Variants in SYMPK observed in about 807,000 individuals in gnomAD.
SYMPK encodes the protein symplekin scaffold protein, also known as symplekin.
Under a neutral mutation model 136.4 loss-of-function variants are expected in SYMPK, and 49 were observed. The observed-to-expected ratio is 0.36, with a 90% CI of 0.29 to 0.46. The LOEUF (loss-of-function observed/expected upper bound fraction) is 0.46. Among genes scored for constraint, SYMPK ranks in the 20% least tolerant of loss-of-function variants. The pLI is 1.00. For synonymous variants in SYMPK, 766 were observed against 713.0 expected (o/e 1.07, Z -1.19); for missense variants, 1,365 against 1,690.0 (o/e 0.81, Z 3.37).
intron 7 of SYMPK, among the ~76,000 whole-genome samples, chr19:45,846,857 A>T (rs1214312727): frequency 6.6e-5 from 10 of 150,968 alleles, no homozygotes; most frequent in Non-Finnish European, 1.0e-4. Context: ...GCAGTGGCAC[A>T]GTCTCAGCTC....
Position 45,822,854 on chromosome 19 carries a change from G to A in SYMPK, c.2701-8C>T, listed in dbSNP as rs959221314. 1.9e-6 allele frequency: 3 copies of A among 1,607,522 alleles called. No individual in the cohort carries two copies. Among genetic ancestry groups the A allele is most frequent in the Non-Finnish European group, 1.7e-6 (2 of 1,174,252 alleles). On this transcript the variant is annotated splice_polypyrimidine_tract_variant and splice_region_variant and intron_variant, in intron 20 of 26. Coordinates refer to ENST00000245934, the MANE Select transcript of SYMPK (RefSeq NM_004819.3). ...GGCCTGGATCACCTCTTTCTACAGG[G>A]AGAAGGTGGTGGGGGTGGGAGTTGA...
intron 14 of SYMPK, chr19:45,828,533 T>C (rs1971098630): frequency 1.1e-5 from 2 of 190,146 alleles, no homozygotes; most frequent in Non-Finnish European, 2.2e-5. Flanking sequence ...AAAGGATTTA[T>C]ATAATAAAAT....
chr19:45,827,044 CAG>C, intron 16 of SYMPK, among the ~76,000 whole-genome samples: 1 of 152,204 alleles, frequency 6.6e-6, no homozygotes, highest in Non-Finnish European at 1.5e-5. Context: ...ACCCCACAAC[CAG>C]ATGGTCGGCC....
At chr19:45,825,465 T>C (rs1971020256) in intron 17 of SYMPK, 134 bp from the exon 18 acceptor site, 2 of 1,144,894 alleles carry the variant, frequency 1.7e-6, no homozygotes, top group African/African-American at 3.1e-5. Context: ...AGCTAATTGT[T>C]CTAGGGCAGG....
Position 45,852,314 on chromosome 19 carries a change from T to C in SYMPK, c.297A>G (p.Ala99=). The C allele has an allele frequency of 1.2e-6, 2 of 1,614,234 alleles. No individual in the cohort carries two copies. The highest frequency in any genetic ancestry group is 1.7e-6 in the Non-Finnish European group (2 of 1,180,038). ...RKFVIGFIEE[A]CKRDIELLLK... is the part of the protein sequence containing the mutation. Reference sequence around the variant, plus strand: ...GGGCTCCGTGCCTCGCCCCATACCATGCCTCCTCGATGAAGCCGATGACAA... The same window carrying C: ...GGGCTCCGTGCCTCGCCCCATACCACGCCTCCTCGATGAAGCCGATGACAA... The change falls in exon 5 of 27, where the codon GCA becomes GCG. Residue 99 remains alanine (A), a splice_region_variant and synonymous_variant. Coordinates refer to ENST00000245934, the MANE Select transcript of SYMPK (RefSeq NM_004819.3).
At chr19:45,825,433 G>T in intron 17 of SYMPK, 102 bp from the exon 18 acceptor site, 5 of 1,414,874 alleles carry the variant, frequency 3.5e-6, no homozygotes, top group Non-Finnish European at 4.7e-6. Flanking sequence ...GGGGAGGGCA[G>T]AGAAGGGAGC....
rs1970895779 is a variant in SYMPK, at chr19:45,821,534, G to C, written c.2792-49C>G. ...GGGGGAAGACAGTGCGGACGCATAA[G>C]TGAAGAGATGGGTCTGAGTTCCCCA... On this transcript the variant is annotated intron_variant, in intron 21 of 26. Coordinates refer to ENST00000245934, the MANE Select transcript of SYMPK (RefSeq NM_004819.3). This position sits in a 1 kb window ranked among gnomAD's most constrained non-coding sequence, Gnocchi z 4.4. The C allele has an allele frequency of 6.2e-6, 8 of 1,296,012 alleles. No homozygotes were observed. Among genetic ancestry groups the C allele is most frequent in the Non-Finnish European group, 7.8e-6 (7 of 900,000 alleles). The allele number at this position is 1,296,012 out of a possible 1,614,324, so 80.3% of individuals were successfully genotyped here.
chr19:45,840,568 CAGG>C lies in SYMPK; in HGVS notation c.1087+1679_1087+1681del, dbSNP rs1320600949. Among the ~76,000 whole-genome samples, 3 of 151,110 alleles carry C rather than the reference CAGG, an allele frequency of 2.0e-5. No homozygotes were observed. The East Asian group carries it at 5.9e-4, about 30-fold the overall frequency. ...ATCCCAGCTACTTGGGAGGCTGAGG[CAGG>C]AGAATTGCCTGAATCTGGGAGGCAG... On this transcript the variant is annotated intron_variant, in intron 9 of 26. Transcript: ENST00000245934.
chr19:45,854,188 G>A lies in SYMPK; in HGVS notation c.158C>T (p.Thr53Ile). Residue 53 changes from threonine (T) to isoleucine (I), a missense_variant, in exon 3 of 27, where the codon ACA (threonine) becomes ATA (isoleucine). This residue lies in a region of SYMPK where 61 missense variants were observed against 80.7 expected (regional missense o/e 0.76). Coordinates refer to ENST00000245934, the MANE Select transcript of SYMPK (RefSeq NM_004819.3). The part of the protein sequence containing the change: ...AALITNDSKI[T>I]VLKQVQELII... Reference sequence around the variant, plus strand: ...CCGGGCCCTCACCTGTTTGAGCACTGTGATCTTTGAGTCATTGGTGATCAG... The same window carrying A: ...CCGGGCCCTCACCTGTTTGAGCACTATGATCTTTGAGTCATTGGTGATCAG... The A allele has an allele frequency of 6.2e-7, 1 of 1,614,094 alleles. No homozygotes were observed. The highest frequency in any genetic ancestry group is 8.5e-7 in the Non-Finnish European group (1 of 1,179,988).
intron 1 of SYMPK, 186 bp from the exon 2 acceptor site, chr19:45,854,693 G>T: frequency 1.7e-6 from 1 of 574,768 alleles, no homozygotes. Context: ...TGTGCACGGG[G>T]CCTGTAACTT....
intron 7 of SYMPK, among the ~76,000 whole-genome samples, chr19:45,846,612 A>C (rs1971567097): frequency 6.6e-6 from 1 of 152,182 alleles, no homozygotes; most frequent in African/African-American, 2.4e-5. Flanking sequence ...TCATTTTTGC[A>C]AACAGAAAAG....
intron 9 of SYMPK, 106 bp downstream of exon 9, chr19:45,842,144 A>G: frequency 6.5e-7 from 1 of 1,527,682 alleles, no homozygotes; most frequent in Non-Finnish European, 8.9e-7. Flanking sequence ...CCCACATAAC[A>G]TAATCTATAA....
At chr19:45,837,892 A>C (rs533180299) in intron 10 of SYMPK, among the ~76,000 whole-genome samples, 1 of 152,182 alleles carries the variant, frequency 6.6e-6, no homozygotes, top group Admixed American at 6.5e-5. Context: ...GAGAAAGTGG[A>C]AAAGTGTAGT....
intron 23 of SYMPK, among the ~76,000 whole-genome samples, chr19:45,817,346 G>A (rs1337466636): frequency 6.6e-6 from 1 of 151,442 alleles, no homozygotes; most frequent in Non-Finnish European, 1.5e-5. Flanking sequence ...CCTGTCCTGG[G>A]TCACATGTAC....
chr19:45,842,513 G>A lies in SYMPK; in HGVS notation c.848-24C>T, dbSNP rs868039641. ...GGCTGTGAGGAAAGTGGCAGGAGCT[G>A]TGTCTTGTGGAAGATCTCATGGCAT... On this transcript the variant is annotated intron_variant, in intron 8 of 26. Transcript: ENST00000245934. The A allele has an allele frequency of 3.1e-6, 5 of 1,598,984 alleles. No individual in the cohort carries two copies. In the Middle Eastern group the frequency reaches 5.9e-4, roughly 190 times the overall value.
chr19:45,850,065 A>AAACAAC (rs1187266042), intron 5 of SYMPK, among the ~76,000 whole-genome samples: 4 of 151,852 alleles, frequency 2.6e-5, no homozygotes, highest in Non-Finnish European at 5.9e-5. Flanking sequence ...ACAAAAACAA[A>AAACAAC]AACAAAAAAA....
Position 45,827,837 on chromosome 19 carries a change from C to T in SYMPK, c.2067G>A (p.Glu689=). 6.2e-7 allele frequency: 1 copy of T among 1,614,000 alleles called. No individual in the cohort carries two copies. The change falls in exon 15 of 27, where the codon GAG becomes GAA. Residue 689 remains glutamate, a splice_region_variant and synonymous_variant. Transcript: ENST00000245934. ...LEVVRKYCED[E]SRTYLGMSTL... is the part of the protein sequence containing the mutation. The stretch of plus-strand genomic sequence containing the variant: ...TGCACTGACCAGGGCCTGTCCTCAC[C>T]TCATCCTCGCAGTACTTGCGGACCA...
chr19:45,838,610 T>C lies in SYMPK; in HGVS notation c.1093A>G (p.Asn365Asp). The change falls in exon 10 of 27, where the codon AAC becomes GAC. Residue 365 changes from asparagine to aspartate, a missense_variant. Around this residue, in one of 11 missense-constraint regions of SYMPK, gnomAD observed 111 missense variants for 141.2 expected, o/e 0.79. Coordinates refer to ENST00000245934, the MANE Select transcript of SYMPK (RefSeq NM_004819.3). ...STLKKMKLEP[N>D]LGEDDEDKDL... ...TTGTCCTCATCGTCCTCCCCCAGGT[T>C]GGGCTCTGGGATGAGGGAAAAGAAC... The C allele has an allele frequency of 1.2e-6, 2 of 1,613,486 alleles. No individual in the cohort carries two copies.
chr19:45,832,510 AGACAGATGACAG>A, intron 11 of SYMPK, among the ~76,000 whole-genome samples: 1 of 152,288 alleles, frequency 6.6e-6, no homozygotes, highest in South Asian at 2.1e-4. Context: ...TATATGCTCA[AGACAGATGACAG>A]CATGTGTACA....
Sources: allele counts gnomAD v4.1 joint callset (sites outside exome capture counted in the v4.1 genomes callset), GRCh38; gene constraint gnomAD v4.1.1; regional missense constraint gnomAD v4.1.1; non-coding constraint Gnocchi (gnomAD v3.1); transcripts MANE v1.5; gene names NCBI Gene and HGNC (gene_info 2026-07-23, HGNC 2026-07-21).